LRRC4C: variants seen among roughly 807,000 people sequenced by gnomAD.
LRRC4C encodes leucine-rich repeat-containing protein 4C.
LRRC4C carries 5 observed loss-of-function variants against 33.6 expected under a neutral mutation model. That is an observed-to-expected ratio of 0.15 (90% CI 0.08 to 0.31). The LOEUF (loss-of-function observed/expected upper bound fraction) is 0.31. LRRC4C is among the 10% of genes least tolerant of loss of function. The probability of loss-of-function intolerance (pLI) is 1.00; values close to 1 mark genes in which losing one functional copy is unlikely to be tolerated. For missense variants in LRRC4C, 560 were observed against 796.7 expected, an observed-to-expected ratio of 0.70 and a Z score of 3.58; for synonymous variants, 329 against 302.0, an observed-to-expected ratio of 1.09 and a Z score of -0.93.
At chr11:41,057,954 C>T (rs1471172718) in intron 1 of LRRC4C, among the ~76,000 whole-genome samples, 3 of 152,184 alleles carry the variant, frequency 2.0e-5, no homozygotes, top group Admixed American at 1.3e-4. Flanking sequence ...TGTGGTTTTC[C>T]TCTGAGCTGT....
intron 3 of LRRC4C, among the ~76,000 whole-genome samples, chr11:40,458,951 T>TA (rs148732370): frequency 0.041 from 6,205 of 151,924 alleles, 410 homozygotes; most frequent in African/African-American, 0.14. Context: ...AGGAGGAAGA[T>TA]AAAAAAAGCC....
intron 3 of LRRC4C, among the ~76,000 whole-genome samples, chr11:40,476,356 T>C (rs2138351111): frequency 6.8e-6 from 1 of 146,770 alleles, no homozygotes; most frequent in East Asian, 2.0e-4. Context: ...TTTTTTTTTT[T>C]TTTTTTTTTG....
At chr11:41,174,330 T>C (rs1235303163) in intron 1 of LRRC4C, among the ~76,000 whole-genome samples, 1 of 152,096 alleles carries the variant, frequency 6.6e-6, no homozygotes, top group African/African-American at 2.4e-5. Context: ...TGATTATTGA[T>C]TCAAATAACA....
intron 1 of LRRC4C, among the ~76,000 whole-genome samples, chr11:41,428,273 T>A (rs532842971): frequency 6.6e-6 from 1 of 152,224 alleles, no homozygotes; most frequent in Non-Finnish European, 1.5e-5. Context: ...TAATTTTCAT[T>A]TCTGAGGTCA....
intron 3 of LRRC4C, among the ~76,000 whole-genome samples, chr11:40,565,967 C>A (rs1263211260): frequency 6.6e-6 from 1 of 151,894 alleles, no homozygotes; most frequent in Non-Finnish European, 1.5e-5. Flanking sequence ...CCAGTTCACA[C>A]ACTAGAAACA....
intron 1 of LRRC4C, among the ~76,000 whole-genome samples, chr11:41,405,339 T>C (rs1271053999): frequency 6.6e-6 from 1 of 152,152 alleles, no homozygotes; most frequent in Non-Finnish European, 1.5e-5. Context: ...CCAATTTTCT[T>C]GCTTAAACCC....
At position 41,326,506 on chromosome 11, in the gene LRRC4C, C is replaced by T. The variant is rs566536212; in HGVS notation, c.-496+132925G>A. On this transcript the variant is annotated intron_variant, in intron 1 of 6. Coordinates refer to ENST00000528697, the MANE Select transcript of LRRC4C (RefSeq NM_001258419.2). ...ATACATCTATCCTATTAGTCTTGTC[C>T]CTCTTGAGAACCCTAATACACAAAC... 1.2e-3 allele frequency among the ~76,000 whole-genome samples: 177 copies of T among 151,986 alleles called. 1 individual carries two copies. In the Middle Eastern group the frequency reaches 0.014, roughly 12 times the overall value.
rs117385536 is a variant in LRRC4C, at chr11:40,354,078, C to A, written c.-269-34357G>T. 8.8e-3 allele frequency among the ~76,000 whole-genome samples: 1,346 copies of A among 152,282 alleles called. 11 individuals are homozygous for A. The highest frequency in any genetic ancestry group is 0.018 in the South Asian group (85 of 4,818). ...CAGCTGTATCTGCATAAGGGGACAT[C>A]CTAAATCCAGTAATTCTGTGACTCT... On this transcript the variant is annotated intron_variant, in intron 3 of 6. Coordinates refer to ENST00000528697, the MANE Select transcript of LRRC4C (RefSeq NM_001258419.2).
chr11:40,352,234 T>C (rs918043486), intron 3 of LRRC4C, among the ~76,000 whole-genome samples: 1 of 151,688 alleles, frequency 6.6e-6, no homozygotes, highest in South Asian at 2.1e-4. Context: ...AATTTCTTGC[T>C]TTTTATTTTT....
At chr11:40,942,979 G>C (rs1045334427) in intron 1 of LRRC4C, among the ~76,000 whole-genome samples, 2 of 152,158 alleles carry the variant, frequency 1.3e-5, no homozygotes, top group African/African-American at 4.8e-5. Context: ...GAAATAAATA[G>C]TAGTATACTT....
intron 2 of LRRC4C, among the ~76,000 whole-genome samples, chr11:40,781,234 T>G (rs147589164): frequency 1.8e-4 from 28 of 152,260 alleles, no homozygotes; most frequent in African/African-American, 6.5e-4. Flanking sequence ...TATTATAATT[T>G]TATAGCACTA....
chr11:41,084,184 C>T (rs1327726367), intron 1 of LRRC4C, among the ~76,000 whole-genome samples: 6 of 152,138 alleles, frequency 3.9e-5, no homozygotes, highest in African/African-American at 1.4e-4. Context: ...AAGTAATGAC[C>T]TCCTTTAAAT....
intron 1 of LRRC4C, among the ~76,000 whole-genome samples, chr11:41,341,853 A>G (rs1339437936): frequency 6.6e-6 from 1 of 152,228 alleles, no homozygotes; most frequent in African/African-American, 2.4e-5. Context: ...GTAAATAAAT[A>G]TAGCTCTGTT....
At chr11:40,335,796 C>A (rs1946570310) in intron 3 of LRRC4C, among the ~76,000 whole-genome samples, 1 of 152,188 alleles carries the variant, frequency 6.6e-6, no homozygotes, top group Non-Finnish European at 1.5e-5. Context: ...CTAGAGTACA[C>A]TGTGTAACGC....
intron 1 of LRRC4C, among the ~76,000 whole-genome samples, chr11:41,005,480 T>G (rs4608066): frequency 0.4 from 61,214 of 151,970 alleles, 13,069 homozygotes; most frequent in East Asian, 0.52. Flanking sequence ...GGCACATGCC[T>G]GTAATCCCAG....
At chr11:40,519,984 A>G (rs1216319274) in intron 3 of LRRC4C, among the ~76,000 whole-genome samples, 2 of 152,190 alleles carry the variant, frequency 1.3e-5, no homozygotes, top group East Asian at 3.9e-4. Context: ...TTCATGATAC[A>G]GAGAACTCAA....
intron 3 of LRRC4C, among the ~76,000 whole-genome samples, chr11:40,345,152 G>A (rs541319405): frequency 6.6e-6 from 1 of 151,944 alleles, no homozygotes; most frequent in African/African-American, 2.4e-5. Flanking sequence ...TCAATGCCAT[G>A]CTATCAAACT....
chr11:40,987,375 G>C (rs1279555848), intron 1 of LRRC4C, among the ~76,000 whole-genome samples: 1 of 152,032 alleles, frequency 6.6e-6, no homozygotes, highest in East Asian at 1.9e-4. Flanking sequence ...TTAATAACTT[G>C]CTGAAATAAC....
chr11:41,286,608 GGCCTGTC>G lies in LRRC4C; in HGVS notation c.-496+172816_-496+172822del, dbSNP rs1200019240. Among the ~76,000 whole-genome samples the G allele has an allele frequency of 4.9e-3, 735 of 150,662 alleles. 6 individuals carry two copies. Among genetic ancestry groups the G allele is most frequent in the African/African-American group, 0.017 (691 of 41,036 alleles). Reference sequence around the variant, plus strand: ...AGACAAGATCCTTAGTCACAGCTTGGGCCTGTCAGGTAATGTTACTTTGCTTTTAGAA... The same window carrying G: ...AGACAAGATCCTTAGTCACAGCTTGGAGGTAATGTTACTTTGCTTTTAGAA... On this transcript the variant is annotated intron_variant, in intron 1 of 6. Coordinates refer to ENST00000528697, the MANE Select transcript of LRRC4C (RefSeq NM_001258419.2).
Sources: gnomAD v4.1 joint callset for allele counts (sites outside exome capture counted in the v4.1 genomes callset) on GRCh38, gnomAD v4.1.1 for gene constraint, MANE v1.5 for transcripts, NCBI Gene and HGNC (gene_info 2026-07-23, HGNC 2026-07-21) for gene names.